The following SMYD3 variants were observed in gnomAD, a reference collection of about 807,000 sequenced individuals.
The protein encoded by SMYD3 is SET and MYND domain containing 3, also known as histone-lysine N-methyltransferase SMYD3.
A neutral mutation model predicts 57.7 loss-of-function variants in SMYD3; 36 were observed. The ratio of observed to expected loss-of-function variants is 0.62; its 90% confidence interval spans 0.48 to 0.82. SMYD3 has a LOEUF of 0.82. Among genes scored for constraint, SMYD3 ranks in the 40% least tolerant of loss-of-function variants. The pLI, the probability that SMYD3 is intolerant of heterozygous loss-of-function variation, is 0.00. For synonymous variants in SMYD3, 211 were observed against 195.0 expected (o/e 1.08, Z -0.68); for missense variants, 515 against 538.8 (o/e 0.96, Z 0.44).
chr1:245,902,903 C>T (rs1354294794), intron 8 of SMYD3, among the ~76,000 whole-genome samples: 4 of 152,110 alleles, frequency 2.6e-5, no homozygotes, highest in Non-Finnish European at 2.9e-5. Context: ...AATTATGACA[C>T]CAGATGCACA....
At chr1:246,494,880 G>A (rs947684529) in intron 1 of SMYD3, among the ~76,000 whole-genome samples, 2 of 152,120 alleles carry the variant, frequency 1.3e-5, no homozygotes, top group African/African-American at 4.8e-5. Context: ...GTTTAAAACT[G>A]AACATGCAGA....
intron 5 of SMYD3, among the ~76,000 whole-genome samples, chr1:245,955,236 T>C (rs557313970): frequency 1.4e-3 from 208 of 143,856 alleles, no homozygotes; most frequent in Admixed American, 4.6e-3. Context: ...GGACTACAGG[T>C]GCCCGCCGCC....
chr1:245,832,852 TA>T (rs2148389258), intron 10 of SMYD3, among the ~76,000 whole-genome samples: 1 of 152,270 alleles, frequency 6.6e-6, no homozygotes, highest in African/African-American at 2.4e-5. Flanking sequence ...CTTAATTGAA[TA>T]ACGTGACTGA....
chr1:246,063,153 G>A (rs986403909), intron 5 of SMYD3, among the ~76,000 whole-genome samples: 9 of 152,150 alleles, frequency 5.9e-5, no homozygotes, highest in African/African-American at 1.9e-4. Flanking sequence ...AACACCAAGC[G>A]AAGTCAGCAA....
intron 10 of SMYD3, among the ~76,000 whole-genome samples, chr1:245,781,480 A>C (rs2046823752): frequency 6.6e-6 from 1 of 152,196 alleles, no homozygotes; most frequent in Admixed American, 6.5e-5. Context: ...GAAAAATGCC[A>C]CCTTCTTCCA....
intron 5 of SMYD3, among the ~76,000 whole-genome samples, chr1:246,316,987 C>A (rs947733861): frequency 1.3e-5 from 2 of 149,632 alleles, no homozygotes; most frequent in East Asian, 2.0e-4. Context: ...AAGTGAGACT[C>A]CTACTCAAAA....
chr1:245,807,810 A>AGG (rs200906871), intron 10 of SMYD3, among the ~76,000 whole-genome samples: 20 of 148,898 alleles, frequency 1.3e-4, no homozygotes, highest in African/African-American at 4.8e-4. Context: ...GTAATTTCCC[A>AGG]GGGAAAAAAA....
chr1:246,074,913 T>TACACACACACACACACAC (rs60103366), intron 5 of SMYD3, among the ~76,000 whole-genome samples: 7 of 148,374 alleles, frequency 4.7e-5, no homozygotes, highest in South Asian at 2.2e-4. Flanking sequence ...GCTAAAGCAA[T>TACACACACACACACACAC]ACACACACAC....
At chr1:246,225,800 G>T (rs1021821707) in intron 5 of SMYD3, among the ~76,000 whole-genome samples, 2 of 152,144 alleles carry the variant, frequency 1.3e-5, no homozygotes, top group Admixed American at 1.3e-4. Flanking sequence ...TTTGCGGAGG[G>T]ATTCGTAACA....
intron 5 of SMYD3, among the ~76,000 whole-genome samples, chr1:246,243,835 T>A (rs1001532878): frequency 2.0e-5 from 3 of 151,784 alleles, no homozygotes; most frequent in African/African-American, 7.3e-5. Context: ...AGATTGAGAG[T>A]TAAGATTAGA....
At chr1:246,131,368 CCAATCAGT>C (rs2061584346) in intron 5 of SMYD3, among the ~76,000 whole-genome samples, 1 of 152,060 alleles carries the variant, frequency 6.6e-6, no homozygotes, top group Non-Finnish European at 1.5e-5. Context: ...ATGTAAACAT[CCAATCAGT>C]CAATCAGTAA....
At chr1:246,286,400 C>T (rs990992455) in intron 5 of SMYD3, among the ~76,000 whole-genome samples, 1 of 151,984 alleles carries the variant, frequency 6.6e-6, no homozygotes, top group African/African-American at 2.4e-5. Flanking sequence ...CTCTTAAAAA[C>T]AAATATTTTC....
intron 1 of SMYD3, among the ~76,000 whole-genome samples, chr1:246,406,014 T>G (rs1217104017): frequency 6.6e-6 from 1 of 152,096 alleles, no homozygotes; most frequent in African/African-American, 2.4e-5. Flanking sequence ...TCAAACTCTC[T>G]CATTCTCCTG....
chr1:246,035,426 C>T (rs1159379453), intron 5 of SMYD3: 1 of 152,230 alleles, frequency 6.6e-6, no homozygotes, highest in Admixed American at 6.5e-5. Context: ...CCCCGCGGCA[C>T]AGTTCCCAGG....
chr1:246,186,936 G>T, intron 5 of SMYD3: 1 of 985,158 alleles, frequency 1.0e-6, no homozygotes, highest in Non-Finnish European at 1.2e-6. Context: ...ACAACTTTTC[G>T]CTGTGACTGA....
At chr1:246,302,094 C>T (rs1325143075) in intron 5 of SMYD3, among the ~76,000 whole-genome samples, 1 of 152,160 alleles carries the variant, frequency 6.6e-6, no homozygotes, top group Non-Finnish European at 1.5e-5. Context: ...CTGCCCCAAG[C>T]CCCACCAGTG....
At chr1:246,061,155 G>A (rs758803764) in intron 5 of SMYD3, among the ~76,000 whole-genome samples, 1 of 152,086 alleles carries the variant, frequency 6.6e-6, no homozygotes, top group Non-Finnish European at 1.5e-5. Flanking sequence ...CCCAGGAGGC[G>A]GAGCTTGCAG....
At chr1:246,230,926 C>T (rs1171142397) in intron 5 of SMYD3, among the ~76,000 whole-genome samples, 1 of 152,208 alleles carries the variant, frequency 6.6e-6, no homozygotes, top group Non-Finnish European at 1.5e-5. Flanking sequence ...CAAATCACAG[C>T]AAATCAATTT....
At chr1:246,077,444 G>A (rs886531213) in intron 5 of SMYD3, among the ~76,000 whole-genome samples, 3 of 152,102 alleles carry the variant, frequency 2.0e-5, no homozygotes, top group Non-Finnish European at 4.4e-5. Flanking sequence ...CTATTGTTCT[G>A]TCTAAGCCAA....
Sources: gnomAD v4.1 joint callset for allele counts (sites outside exome capture counted in the v4.1 genomes callset) on GRCh38, gnomAD v4.1.1 for gene constraint, MANE v1.5 for transcripts, NCBI Gene and HGNC (gene_info 2026-07-23, HGNC 2026-07-21) for gene names.